Variants in GDAP2 observed in about 807,000 individuals in gnomAD.
GDAP2 encodes ganglioside induced differentiation associated protein 2, also known as ganglioside-induced differentiation-associated protein 2.
In GDAP2, 51 loss-of-function variants were observed where a neutral mutation model predicts 67.0. The ratio of observed to expected loss-of-function variants is 0.76; its 90% CI spans 0.61 to 0.96. The LOEUF (loss-of-function observed/expected upper bound fraction) is 0.96. GDAP2 is among the 40% of genes least tolerant of loss of function. The pLI, the probability that GDAP2 is intolerant of heterozygous loss-of-function variation, is 0.00. For synonymous variants in GDAP2, 203 were observed against 207.3 expected (o/e 0.98, Z 0.18); for missense variants, 547 against 588.3 (o/e 0.93, Z 0.73).
At chr1:117,898,921 C>T (rs1015489104) in intron 7 of GDAP2, 136 bp downstream of exon 7, 3 of 677,904 alleles carry the variant, frequency 4.4e-6, no homozygotes, top group African/African-American at 3.6e-5. Context: ...TTGAAAACTT[C>T]TAAACTGGTC....
At position 117,912,651 on chromosome 1, in the gene GDAP2, C is replaced by T; in HGVS notation, c.349G>A (p.Gly117Arg). The change falls in exon 4 of 14, where the codon GGA becomes AGA. Residue 117 changes from glycine to arginine, a missense_variant. Transcript: ENST00000369443. ...ATGAACCGGGCAGCTAGATTGAATC[C>T]TTTTGTCAATTTTGCTTCACCTGTT... The part of the protein sequence containing the change: ...CRTGEAKLTK[G>R]FNLAARFIIH... 1 of 1,613,588 alleles carries T rather than the reference C, an allele frequency of 6.2e-7. No individual in the cohort carries two copies. Among genetic ancestry groups the T allele is most frequent in the Non-Finnish European group, 8.5e-7 (1 of 1,179,616 alleles).
chr1:117,880,948 T>C (rs1421804106), intron 12 of GDAP2, among the ~76,000 whole-genome samples: 1 of 152,142 alleles, frequency 6.6e-6, no homozygotes, highest in Non-Finnish European at 1.5e-5. Flanking sequence ...AATGTGTTCA[T>C]TAAGATGGAA....
At position 117,899,209 on chromosome 1, in the gene GDAP2, T is replaced by C. The variant is rs890816232; in HGVS notation, c.644A>G (p.Tyr215Cys). Residue 215 changes from tyrosine (Y) to cysteine (C), a missense_variant, in exon 7 of 14, where the codon TAC becomes TGC. By Grantham distance (194) the Tyr-to-Cys change is radical (BLOSUM62 -2). Coordinates refer to ENST00000369443, the MANE Select transcript of GDAP2 (RefSeq NM_017686.4). Reference sequence around the variant, plus strand: ...GAAGTAGAGAGGTAGCAGCTTTTGGTAAGTACCCTGTGTCAGAAAAGCAAG... The same window carrying C: ...GAAGTAGAGAGGTAGCAGCTTTTGGCAAGTACCCTGTGTCAGAAAAGCAAG... ...FAVSDLEEGT[Y>C]QKLLPLYFPR... The C allele has an allele frequency of 6.2e-6, 10 of 1,609,638 alleles. No homozygotes were observed. Among genetic ancestry groups the C allele is most frequent in the Non-Finnish European group, 8.5e-6 (10 of 1,176,050 alleles).
chr1:117,889,756 T>A (rs753794483), intron 8 of GDAP2, among the ~76,000 whole-genome samples: 149 of 152,250 alleles, frequency 9.8e-4, no homozygotes, highest in Non-Finnish European at 1.5e-3. Context: ...TTATGTTTTT[T>A]AAATCATTCT....
At chr1:117,915,975 C>A (rs1458302337) in intron 3 of GDAP2, among the ~76,000 whole-genome samples, 1 of 152,070 alleles carries the variant, frequency 6.6e-6, no homozygotes, top group Admixed American at 6.5e-5. Context: ...TATGCTAATC[C>A]TAGCTCTTTA....
rs1648214340 is a variant in GDAP2 at position 117,870,390 on chromosome 1, G to A, written c.*179C>T. ...TTTAAAATGTGTGCAGTTCAGAATG[G>A]CCTACCATTTTTAGATTGCTTATGT... On this transcript the variant is annotated 3_prime_UTR_variant, in exon 14 of 14. Coordinates refer to ENST00000369443, the MANE Select transcript of GDAP2 (RefSeq NM_017686.4). 3.4e-6 allele frequency: 2 copies of A among 591,350 alleles called. No individual in the cohort carries two copies. Among genetic ancestry groups the A allele is most frequent in the Admixed American group, 3.5e-5 (1 of 28,620 alleles). The allele number at this position is 591,350 out of a possible 1,614,324, so 36.6% of individuals were successfully genotyped here. A position where few individuals can be genotyped will look rare whatever the true frequency, so the allele number is the denominator to read the frequency against.
intron 5 of GDAP2, among the ~76,000 whole-genome samples, chr1:117,911,613 C>T (rs1480203682): frequency 6.6e-6 from 1 of 152,108 alleles, no homozygotes; most frequent in Non-Finnish European, 1.5e-5. Flanking sequence ...GGCAAGTCTT[C>T]TGACCCGTTA....
chr1:117,918,497 T>C, intron 3 of GDAP2, 100 bp downstream of exon 3: 3 of 806,444 alleles, frequency 3.7e-6, no homozygotes, highest in Non-Finnish European at 6.1e-6. Context: ...GAAAAACAGC[T>C]ACATCTACAA....
chr1:117,922,568 G>C (rs764420111), intron 1 of GDAP2, among the ~76,000 whole-genome samples: 3 of 152,316 alleles, frequency 2.0e-5, no homozygotes, highest in East Asian at 1.9e-4. Flanking sequence ...ACAAAAGAGA[G>C]AAATTTTAAA....
chr1:117,927,690 A>G (rs1348426172), intron 1 of GDAP2, among the ~76,000 whole-genome samples: 3 of 152,228 alleles, frequency 2.0e-5, no homozygotes, highest in Non-Finnish European at 4.4e-5. Context: ...ATTTTTTAAA[A>G]AAGATTTTCA....
chr1:117,921,994 C>A (rs1319246060), intron 1 of GDAP2, among the ~76,000 whole-genome samples: 1 of 151,590 alleles, frequency 6.6e-6, no homozygotes, highest in South Asian at 2.1e-4. Flanking sequence ...TGCTATTTAC[C>A]GAGAAGGGAA....
At position 117,866,863 on chromosome 1, in the gene GDAP2, C is replaced by A. The variant is rs1220532640; in HGVS notation, c.*3706G>T. 11 of 149,202 alleles carry A rather than the reference C, an allele frequency of 7.4e-5. No homozygotes were observed. The highest frequency in any genetic ancestry group is 1.2e-4 in the African/African-American group (5 of 40,518). The allele number at this position is 149,202 out of a possible 1,614,324, so 9.2% of individuals were successfully genotyped here. ...AAAAAAAAAAAAAAGTACAGTAAGG[C>A]CCTTTAAAAAAAAAAAAGAAAAAGA... On this transcript the variant is annotated 3_prime_UTR_variant, in exon 14 of 14. Transcript: ENST00000369443.
chr1:117,907,629 T>C (rs41457246), intron 5 of GDAP2, among the ~76,000 whole-genome samples: 1,638 of 152,304 alleles, frequency 0.011, 33 homozygotes, highest in South Asian at 0.092. Context: ...TCATGCTGCA[T>C]TTTCAAATAG....
chr1:117,877,825 TG>T, intron 13 of GDAP2, 183 bp downstream of exon 13: 1 of 1,264,462 alleles, frequency 7.9e-7, no homozygotes, highest in Non-Finnish European at 1.0e-6. Flanking sequence ...ATGCCTCTCT[TG>T]GGACAAATCC....
At chr1:117,885,284 A>G (rs1301188621) in intron 10 of GDAP2, among the ~76,000 whole-genome samples, 1 of 152,012 alleles carries the variant, frequency 6.6e-6, no homozygotes, top group Non-Finnish European at 1.5e-5. Flanking sequence ...TTTGGCTTCA[A>G]ATTCAACTTC....
chr1:117,878,368 A>G (rs1183433808), intron 12 of GDAP2, among the ~76,000 whole-genome samples: 2 of 152,224 alleles, frequency 1.3e-5, no homozygotes, highest in Non-Finnish European at 2.9e-5. Context: ...AGAGACTATA[A>G]GAAGAATGAG....
At chr1:117,883,179 G>A in intron 11 of GDAP2, 1 of 182,202 alleles carries the variant, frequency 5.5e-6, no homozygotes, top group Non-Finnish European at 1.2e-5. Flanking sequence ...TGGGTTAAAG[G>A]ATCAAAGTAA....
intron 3 of GDAP2, among the ~76,000 whole-genome samples, chr1:117,914,611 A>T (rs189351807): frequency 2.6e-5 from 4 of 152,132 alleles, no homozygotes; most frequent in African/African-American, 9.7e-5. Flanking sequence ...CCCAAACCAT[A>T]TGAAGGCAAA....
At chr1:117,884,813 C>CATATGTGTGTGT (rs376358688) in intron 10 of GDAP2, among the ~76,000 whole-genome samples, 5 of 147,862 alleles carry the variant, frequency 3.4e-5, no homozygotes, top group Non-Finnish European at 6.0e-5. Context: ...TTATTCCCTC[C>CATATGTGTGTGT]GTGTGTGTGT....
Sources: gnomAD v4.1 joint callset for allele counts (sites outside exome capture counted in the v4.1 genomes callset) on GRCh38, gnomAD v4.1.1 for gene constraint, MANE v1.5 for transcripts, NCBI Gene and HGNC (gene_info 2026-07-23, HGNC 2026-07-21) for gene names.